Variants in MRC1 observed in about 807,000 individuals in gnomAD.
MRC1 encodes the protein mannose receptor C-type 1, also known as macrophage mannose receptor 1.
Under a neutral mutation model 102.9 loss-of-function variants are expected in MRC1, and 62 were observed. That is an observed-to-expected ratio of 0.60 (90% CI 0.49 to 0.74). The LOEUF is 0.74. Among genes scored for constraint, MRC1 ranks in the 30% least tolerant of loss-of-function variants. MRC1 has a pLI of 0.00. For synonymous variants in MRC1, 457 were observed against 298.4 expected (o/e 1.53, Z -5.48); for missense variants, 1,237 against 862.8 (o/e 1.43, Z -5.43).
intron 22 of MRC1, among the ~76,000 whole-genome samples, chr10:17,886,565 C>G (rs1292051999): frequency 1.3e-5 from 2 of 152,146 alleles, no homozygotes; most frequent in Non-Finnish European, 1.5e-5. Context: ...CCATGCCTGA[C>G]TAATTTTTGC....
rs1199333269 is a variant in MRC1, at chr10:17,824,875, AG to A, written c.463+1403del. Reference sequence around the variant, plus strand: ...CATTGGTTTTGAGACAAATATACATAGGGTTTGGGCTAATAGTTCTCAAACT... The same window carrying A: ...CATTGGTTTTGAGACAAATATACATAGGTTTGGGCTAATAGTTCTCAAACT... On this transcript the variant is annotated intron_variant, in intron 2 of 29. Transcript: ENST00000569591. Among the ~76,000 whole-genome samples the A allele has an allele frequency of 2.0e-5, 3 of 152,120 alleles. 1 individual carries two copies. Among genetic ancestry groups the A allele is most frequent in the African/African-American group, 7.2e-5 (3 of 41,412 alleles).
At chr10:17,859,822 A>G (rs1427542620) in intron 9 of MRC1, among the ~76,000 whole-genome samples, 2 of 152,224 alleles carry the variant, frequency 1.3e-5, no homozygotes, top group East Asian at 3.8e-4. Context: ...CAATGTGGAT[A>G]GCATAAACTT....
chr10:17,887,032 G>A (rs1833607045), intron 22 of MRC1, among the ~76,000 whole-genome samples: 2 of 152,268 alleles, frequency 1.3e-5, no homozygotes, highest in South Asian at 4.1e-4. Flanking sequence ...TAATAATTTG[G>A]TAGCTATTTG....
chr10:17,907,765 A>T (rs929053933), intron 28 of MRC1, 67 bp downstream of exon 28: 3 of 773,660 alleles, frequency 3.9e-6, no homozygotes, highest in Non-Finnish European at 7.2e-6. Context: ...GTAAGATATC[A>T]GGTATGGAAT....
chr10:17,910,186 T>A lies in MRC1; in HGVS notation c.4121-29T>A, dbSNP rs1833949791. 6.4e-6 allele frequency: 5 copies of A among 780,412 alleles called. No homozygotes were observed. The Admixed American group carries it at 8.5e-5, about 13-fold the overall frequency. 48.3% of individuals were successfully genotyped at this position (780,412 alleles called of 1,614,324 possible). A position where few individuals can be genotyped will look rare whatever the true frequency, so the allele number is the denominator to read the frequency against. ...ATGCAACCCTCTGCCTCCCTCCACG[T>A]TTTCCATAATGATTTTATTTATTTA... On this transcript the variant is annotated intron_variant, in intron 29 of 29. Coordinates refer to ENST00000569591, the MANE Select transcript of MRC1 (RefSeq NM_002438.4).
chr10:17,828,168 C>G (rs1400068403), intron 3 of MRC1, among the ~76,000 whole-genome samples: 1 of 152,178 alleles, frequency 6.6e-6, no homozygotes, highest in Non-Finnish European at 1.5e-5. Flanking sequence ...GCTCCGCCTC[C>G]CGAGTTCACG....
intron 3 of MRC1, among the ~76,000 whole-genome samples, chr10:17,828,886 G>A (rs1299680019): frequency 1.3e-5 from 2 of 151,422 alleles, no homozygotes; most frequent in Non-Finnish European, 2.9e-5. Flanking sequence ...TGGAGTGGAG[G>A]AGGGCGTCAT....
intron 2 of MRC1, among the ~76,000 whole-genome samples, chr10:17,824,416 C>G (rs982537528): frequency 8.5e-5 from 13 of 152,118 alleles, no homozygotes; most frequent in African/African-American, 3.1e-4. Context: ...TACGGGGCTA[C>G]TAAGATTGGT....
intron 17 of MRC1, among the ~76,000 whole-genome samples, chr10:17,877,081 A>G (rs1467133810): frequency 2.0e-5 from 3 of 149,566 alleles, no homozygotes; most frequent in African/African-American, 4.9e-5. Context: ...TATATATATT[A>G]TGTATATATA....
At chr10:17,860,905 T>A (rs1833175342) in intron 9 of MRC1, among the ~76,000 whole-genome samples, 1 of 152,242 alleles carries the variant, frequency 6.6e-6, no homozygotes, top group Non-Finnish European at 1.5e-5. Context: ...ACTGTTTCTT[T>A]TATTCGTTTA....
intron 11 of MRC1, 120 bp downstream of exon 11, chr10:17,863,802 A>C (rs1375152154): frequency 1.5e-6 from 1 of 668,672 alleles, no homozygotes; most frequent in African/African-American, 1.8e-5. Context: ...TTTTAGTAAC[A>C]ATTTATATTT....
chr10:17,834,704 G>A (rs545193344), intron 4 of MRC1, among the ~76,000 whole-genome samples: 17,472 of 152,142 alleles, frequency 0.11, 1,242 homozygotes, highest in East Asian at 0.18. Context: ...GTGAGCCACC[G>A]TGCCTGGCCA....
chr10:17,831,246 T>A (rs1326394999), intron 3 of MRC1, among the ~76,000 whole-genome samples: 2 of 151,216 alleles, frequency 1.3e-5, no homozygotes, highest in African/African-American at 4.9e-5. Flanking sequence ...AAACGAGTTG[T>A]TTAAAACATC....
At chr10:17,865,606 G>A (rs1833254027) in intron 11 of MRC1, 1 of 152,410 alleles carries the variant, frequency 6.6e-6, no homozygotes, top group African/African-American at 2.4e-5. Flanking sequence ...AGCTGCAGGA[G>A]GAGTGGGCAA....
intron 13 of MRC1, 92 bp from the exon 14 acceptor site, chr10:17,870,756 G>T: frequency 1.2e-6 from 1 of 810,004 alleles, no homozygotes; most frequent in Non-Finnish European, 2.2e-6. Flanking sequence ...TTTACGTTTT[G>T]GAGGTAACTT....
chr10:17,849,439 C>T (rs1039995565), intron 6 of MRC1, 140 bp from the exon 7 acceptor site: 16 of 593,236 alleles, frequency 2.7e-5, no homozygotes, highest in African/African-American at 7.5e-5. Flanking sequence ...ATGTATGCTG[C>T]GAAAATAAAA....
intron 12 of MRC1, among the ~76,000 whole-genome samples, chr10:17,868,507 C>T (rs1244804445): frequency 1.3e-5 from 2 of 152,294 alleles, no homozygotes; most frequent in Non-Finnish European, 2.9e-5. Flanking sequence ...ACAGGTCCCT[C>T]CTTCAACATG....
chr10:17,873,086 T>C (rs2130679375), intron 15 of MRC1, among the ~76,000 whole-genome samples: 1 of 152,342 alleles, frequency 6.6e-6, no homozygotes, highest in South Asian at 2.1e-4. Context: ...ATCGTAGCTC[T>C]ACTCTTGTAG....
intron 4 of MRC1, among the ~76,000 whole-genome samples, chr10:17,839,368 C>T (rs1838716488): frequency 6.6e-6 from 1 of 151,574 alleles, no homozygotes; most frequent in Non-Finnish European, 1.5e-5. Context: ...TTTTAAAATC[C>T]CTGAGTAAAT....
Sources: gnomAD v4.1 joint callset for allele counts (sites outside exome capture counted in the v4.1 genomes callset) on GRCh38, gnomAD v4.1.1 for gene constraint, MANE v1.5 for transcripts, NCBI Gene and HGNC (gene_info 2026-07-23, HGNC 2026-07-21) for gene names.